ST14: variants seen among roughly 807,000 people sequenced by gnomAD.
The protein encoded by ST14 is suppressor of tumorigenicity 14 protein.
A neutral mutation model predicts 96.5 loss-of-function variants in ST14; 40 were observed. The ratio of observed to expected loss-of-function variants is 0.41; its 90% CI spans 0.32 to 0.54. ST14 has a LOEUF of 0.54. Ranked by LOEUF, ST14 falls within the 20% of genes least tolerant of loss-of-function variation. ST14 has a pLI of 0.17. For missense variants in ST14, 1,066 were observed against 1,188.9 expected (o/e 0.90, Z 1.52); for synonymous variants, 506 against 492.1 (o/e 1.03, Z -0.37).
At chr11:130,207,986 G>A (rs902911310) in intron 16 of ST14, among the ~76,000 whole-genome samples, 8 of 152,120 alleles carry the variant, frequency 5.3e-5, no homozygotes, top group African/African-American at 1.4e-4. Flanking sequence ...CAGGATAATC[G>A]CTTGAACTCG....
At position 130,163,551 on chromosome 11, in the gene ST14, C is replaced by T. The variant is rs1024186236; in HGVS notation, c.81+3491C>T. On this transcript the variant is annotated intron_variant, in intron 1 of 18. Transcript: ENST00000278742. ...TTACAGGCGTGAGCCACTGTGCCCA[C>T]ATAAAACTTTAGAGAACTGCCTTTT... 5.9e-5 allele frequency among the ~76,000 whole-genome samples: 9 copies of T among 152,304 alleles called. No homozygotes were observed. In the South Asian group the frequency reaches 1.2e-3, roughly 21 times the overall value.
chr11:130,173,320 G>C (rs1166658138), intron 1 of ST14, among the ~76,000 whole-genome samples: 1 of 152,178 alleles, frequency 6.6e-6, no homozygotes, highest in Non-Finnish European at 1.5e-5. Flanking sequence ...CTGAAAGGCT[G>C]GGCGCGGTGG....
intron 1 of ST14, among the ~76,000 whole-genome samples, chr11:130,166,172 A>G (rs563833663): frequency 6.6e-6 from 1 of 152,244 alleles, no homozygotes; most frequent in Non-Finnish European, 1.5e-5. Context: ...TATTATACAT[A>G]TGATTAAAAA....
At chr11:130,165,377 T>C (rs556225401) in intron 1 of ST14, among the ~76,000 whole-genome samples, 1 of 152,376 alleles carries the variant, frequency 6.6e-6, no homozygotes, top group South Asian at 2.1e-4. Flanking sequence ...GTTCTTAGCC[T>C]GGCCTGGTTG....
intron 1 of ST14, among the ~76,000 whole-genome samples, chr11:130,172,370 T>G (rs1953100155): frequency 1.3e-5 from 2 of 150,902 alleles, no homozygotes; most frequent in South Asian, 4.2e-4. Context: ...CCTGCCAAAG[T>G]GCTGGGATTC....
intron 14 of ST14, 68 bp from the exon 15 acceptor site, chr11:130,198,879 T>G: frequency 6.2e-7 from 1 of 1,610,678 alleles, no homozygotes. Flanking sequence ...GCGCCATTGG[T>G]GGTTTCTGGC....
At chr11:130,167,244 T>C (rs1953049582) in intron 1 of ST14, among the ~76,000 whole-genome samples, 1 of 152,118 alleles carries the variant, frequency 6.6e-6, no homozygotes, top group Non-Finnish European at 1.5e-5. Context: ...ATGACACAAA[T>C]ACCCCTACAA....
intron 1 of ST14, among the ~76,000 whole-genome samples, chr11:130,173,894 C>A (rs150969060): frequency 1.3e-5 from 2 of 152,350 alleles, no homozygotes; most frequent in Non-Finnish European, 2.9e-5. Flanking sequence ...GTTTACCCCA[C>A]AAGACCAGAG....
rs751447309 is a variant in ST14, at chr11:130,197,977, C to A, written c.1459+32C>A. ...CAGGCTGGGAGCCCCGGTCTCCCCA[C>A]CCTCCTTCCCCACCCTGCCCGCGTC... On this transcript the variant is annotated intron_variant, in intron 12 of 18. Transcript: ENST00000278742. The A allele has an allele frequency of 1.5e-5, 23 of 1,539,428 alleles. No homozygotes were observed. In the South Asian group the frequency reaches 2.6e-4, roughly 17 times the overall value.
intron 16 of ST14, among the ~76,000 whole-genome samples, chr11:130,206,567 CTTTTT>C (rs57270082): frequency 1.4e-5 from 2 of 143,144 alleles, no homozygotes; most frequent in Non-Finnish European, 3.1e-5. Flanking sequence ...CTTTTCTTTT[CTTTTT>C]TTTTTTCTTT....
At position 130,208,561 on chromosome 11, in the gene ST14, G is replaced by C; in HGVS notation, c.2146G>C (p.Glu716Gln). The C allele has an allele frequency of 1.9e-6, 3 of 1,614,252 alleles. No homozygotes were observed. Among genetic ancestry groups the C allele is most frequent in the African/African-American group, 1.3e-5 (1 of 75,080 alleles). The change falls in exon 17 of 19, where the codon GAG (glutamate) becomes CAG (glutamine). Residue 716 changes from glutamate (E) to glutamine (Q), a missense_variant. Physicochemically the swap from Glu to Gln is conservative, Grantham distance 29. Transcript: ENST00000278742. ...CTTCGACTATGACATCGCGCTGCTG[G>C]AGCTGGAGAAACCGGCAGAGTACAG... is the stretch of plus-strand genomic sequence containing the variant. The part of the protein sequence containing the change: ...FTFDYDIALL[E>Q]LEKPAEYSSM...
At chr11:130,196,518 C>T (rs572651794) in intron 10 of ST14, 52 bp from the exon 11 acceptor site, 9 of 1,545,026 alleles carry the variant, frequency 5.8e-6, no homozygotes, top group African/African-American at 2.7e-5. Context: ...AGACCCCCAG[C>T]CCCCCGGCTC....
intron 7 of ST14, among the ~76,000 whole-genome samples, chr11:130,191,709 A>G (rs1953304702): frequency 6.9e-6 from 1 of 143,922 alleles, no homozygotes; most frequent in Non-Finnish European, 1.5e-5. Context: ...AAAAAAAAAA[A>G]AGAGCCTTTA....
At chr11:130,170,766 A>G (rs1048414673) in intron 1 of ST14, among the ~76,000 whole-genome samples, 54 of 152,026 alleles carry the variant, frequency 3.6e-4, no homozygotes, top group Non-Finnish European at 1.6e-4. Context: ...AGGAGTGACG[A>G]CCCATATACA....
intron 1 of ST14, among the ~76,000 whole-genome samples, chr11:130,179,628 G>C (rs528834355): frequency 2.2e-4 from 34 of 152,262 alleles, no homozygotes; most frequent in African/African-American, 7.9e-4. Flanking sequence ...ATTTAACTGG[G>C]GAGGGCCTGT....
intron 16 of ST14, among the ~76,000 whole-genome samples, 186 bp downstream of exon 16, chr11:130,200,323 C>T (rs1953414936): frequency 6.6e-6 from 1 of 152,204 alleles, no homozygotes; most frequent in Non-Finnish European, 1.5e-5. Flanking sequence ...TTATTTGGCC[C>T]ATGGTTCTGC....
intron 15 of ST14, 110 bp from the exon 16 acceptor site, chr11:130,199,841 C>A: frequency 1.4e-6 from 2 of 1,405,884 alleles, no homozygotes; most frequent in Non-Finnish European, 2.0e-6. Flanking sequence ...CTGTGCACGC[C>A]AAAAGCTGGC....
chr11:130,201,465 G>A (rs895431520), intron 16 of ST14, among the ~76,000 whole-genome samples: 2 of 152,286 alleles, frequency 1.3e-5, no homozygotes, highest in Non-Finnish European at 2.9e-5. Context: ...AGGCACAGAT[G>A]GAGTGTGCTC....
intron 10 of ST14, 59 bp downstream of exon 10, chr11:130,196,507 C>A: frequency 1.3e-6 from 2 of 1,573,858 alleles, no homozygotes; most frequent in African/African-American, 2.7e-5. Flanking sequence ...GGGGTCCCAC[C>A]AGACCCCCAG....
Sources: gnomAD v4.1 joint callset for allele counts (sites outside exome capture counted in the v4.1 genomes callset) on GRCh38, gnomAD v4.1.1 for gene constraint, MANE v1.5 for transcripts, NCBI Gene and HGNC (gene_info 2026-07-23, HGNC 2026-07-21) for gene names.